Variants in KLHL22 observed in about 807,000 individuals in gnomAD.
The protein encoded by KLHL22 is kelch-like protein 22.
KLHL22 carries 18 observed loss-of-function variants against 60.7 expected under a neutral mutation model. The observed-to-expected ratio is 0.30, with a 90% confidence interval of 0.20 to 0.44. The LOEUF is 0.44. KLHL22 is among the 20% of genes least tolerant of loss of function. KLHL22 has a pLI of 1.00. For missense variants in KLHL22, 596 were observed against 852.3 expected (o/e 0.70, Z 3.74); for synonymous variants, 355 against 354.5 (o/e 1.00, Z -0.01).
intron 2 of KLHL22, 108 bp from the exon 3 acceptor site, chr22:20,471,623 C>T: frequency 8.2e-7 from 1 of 1,214,110 alleles, no homozygotes. Flanking sequence ...TGGCAGGGCC[C>T]TGGTAGTGGG....
chr22:20,489,432 T>C (rs1475765932), intron 1 of KLHL22, among the ~76,000 whole-genome samples, 188 bp from the exon 2 acceptor site: 2 of 152,210 alleles, frequency 1.3e-5, no homozygotes, highest in African/African-American at 4.8e-5. Flanking sequence ...GATGGCCTTC[T>C]TCCTGATGAC....
chr22:20,442,545 A>G, intron 6 of KLHL22, 107 bp from the exon 7 acceptor site: 1 of 1,354,852 alleles, frequency 7.4e-7, no homozygotes. Context: ...CCATTCTGAC[A>G]GGTCAGGCCC....
chr22:20,478,508 C>CTTTTTTTTT (rs1196419660), intron 2 of KLHL22, among the ~76,000 whole-genome samples: 3 of 67,676 alleles, frequency 4.4e-5, no homozygotes, highest in African/African-American at 1.0e-4. Context: ...AAACTTAATT[C>CTTTTTTTTT]TTTTTTTTTT....
At chr22:20,457,018 G>A (rs1414620389) in intron 5 of KLHL22, among the ~76,000 whole-genome samples, 1 of 142,710 alleles carries the variant, frequency 7.0e-6, no homozygotes, top group Non-Finnish European at 1.5e-5. Flanking sequence ...GTACTAGCGG[G>A]GTGCCCTGCT....
At chr22:20,486,960 AGTGAGCCACCAAGCCTG>A (rs1345129807) in intron 2 of KLHL22, among the ~76,000 whole-genome samples, 3 of 149,458 alleles carry the variant, frequency 2.0e-5, no homozygotes, top group African/African-American at 5.0e-5. Flanking sequence ...GAATTATAGG[AGTGAGCCACCAAGCCTG>A]GCCTCTTTCT....
chr22:20,493,410 T>C (rs931461033), intron 1 of KLHL22, among the ~76,000 whole-genome samples: 3 of 152,232 alleles, frequency 2.0e-5, no homozygotes, highest in Non-Finnish European at 4.4e-5. Context: ...TATACGGTTT[T>C]AAATCACCAA....
intron 5 of KLHL22, among the ~76,000 whole-genome samples, chr22:20,449,908 C>T (rs1046179062): frequency 4.6e-5 from 7 of 152,228 alleles, no homozygotes; most frequent in East Asian, 1.9e-4. Context: ...CTGGTCATCA[C>T]GTCGCGTGGC....
chr22:20,458,625 T>G (rs1601339549), intron 4 of KLHL22, among the ~76,000 whole-genome samples: 1 of 151,664 alleles, frequency 6.6e-6, no homozygotes, highest in Admixed American at 6.6e-5. Flanking sequence ...ATACAGCCTC[T>G]CCACTGGATG....
intron 4 of KLHL22, among the ~76,000 whole-genome samples, chr22:20,461,282 G>A (rs1215494031): frequency 3.3e-5 from 5 of 152,080 alleles, no homozygotes; most frequent in African/African-American, 9.7e-5. Flanking sequence ...GGCCAGGCAC[G>A]GTGGCTCACG....
chr22:20,465,112 C>T lies in KLHL22; in HGVS notation c.858G>A (p.Leu286=), dbSNP rs775335953. 7.4e-6 allele frequency: 12 copies of T among 1,613,928 alleles called. No homozygotes were observed. In the South Asian group the frequency reaches 1.2e-4, roughly 16 times the overall value. ...ACCGCAGCTCCGTTTGCGGGCTCTG[C>T]AGGCTGGGCTGTAGGCTCTCGTTCC... is the stretch of plus-strand genomic sequence containing the variant. ...YHRNESLQPS[L]QSPQTELRSD... Residue 286 remains leucine, a synonymous_variant, in exon 4 of 7, where the codon CTG becomes CTA. Coordinates refer to ENST00000328879, the MANE Select transcript of KLHL22 (RefSeq NM_032775.4). This position sits in a 1 kb window ranked among gnomAD's most constrained non-coding sequence, Gnocchi z 4.9.
chr22:20,483,039 G>A, intron 2 of KLHL22: 1 of 669,730 alleles, frequency 1.5e-6, no homozygotes, highest in Non-Finnish European at 2.7e-6. Context: ...GCCTGGCACT[G>A]TCCCTCTGCC....
At chr22:20,481,154 G>A (rs1012833813) in intron 2 of KLHL22, 1 of 152,082 alleles carries the variant, frequency 6.6e-6, no homozygotes, top group Admixed American at 6.5e-5. Flanking sequence ...TCTTTAAGAC[G>A]TTTGGCTGGG....
chr22:20,463,174 G>A (rs190980555), intron 4 of KLHL22, among the ~76,000 whole-genome samples: 1 of 152,280 alleles, frequency 6.6e-6, no homozygotes, highest in Admixed American at 6.5e-5. Flanking sequence ...GGTCCTTCCT[G>A]CCACCTCCAC....
At position 20,465,138 on chromosome 22, in the gene KLHL22, G is replaced by A. The variant is rs1224148145; in HGVS notation, c.832C>T (p.Arg278Trp). Residue 278 changes from arginine to tryptophan, a missense_variant, in exon 4 of 7, where the codon CGG (arginine) becomes TGG (tryptophan). Physicochemically the swap from Arg to Trp is moderately radical, Grantham distance 101. Coordinates refer to ENST00000328879, the MANE Select transcript of KLHL22 (RefSeq NM_032775.4). This position sits in a 1 kb window ranked among gnomAD's most constrained non-coding sequence, Gnocchi z 4.9. ...AGGCTGGGCTGTAGGCTCTCGTTCC[G>A]GTGGTACATGAGGGCGCTGGCCACT... ...DTVASALMYH[R>W]NESLQPSLQS... is the part of the protein sequence containing the mutation. The A allele has an allele frequency of 4.3e-6, 7 of 1,613,916 alleles. No homozygotes were observed. Among genetic ancestry groups the A allele is most frequent in the East Asian group, 2.2e-5 (1 of 44,880 alleles).
chr22:20,488,927 C>A, intron 2 of KLHL22, 58 bp downstream of exon 2: 3 of 1,532,820 alleles, frequency 2.0e-6, no homozygotes, highest in Non-Finnish European at 2.7e-6. Flanking sequence ...AGTACCTTTA[C>A]TAGCAGAGCC....
At chr22:20,461,608 G>C (rs189418226) in intron 4 of KLHL22, among the ~76,000 whole-genome samples, 14 of 147,148 alleles carry the variant, frequency 9.5e-5, no homozygotes, top group African/African-American at 3.5e-4. Flanking sequence ...ATATTTCCAT[G>C]ACTTAAGTAT....
In KLHL22 at chr22:20,471,368, C is replaced by G. The variant is rs2053324475; in HGVS notation, c.375G>C (p.Val125=). The G allele has an allele frequency of 6.2e-7, 1 of 1,613,674 alleles. No individual in the cohort carries two copies. Among genetic ancestry groups the G allele is most frequent in the African/African-American group, 1.3e-5 (1 of 75,024 alleles). Reference sequence around the variant, plus strand: ...GCCTCACCTGAAGCTGGCAGGCAGCCACCAGTGTCTCTTGTACATTGCTCA... The same window carrying G: ...GCCTCACCTGAAGCTGGCAGGCAGCGACCAGTGTCTCTTGTACATTGCTCA... ...LSLSNVQETL[V]AACQLQIPEI... is the part of the protein sequence containing the mutation. Residue 125 remains valine, a synonymous_variant, in exon 3 of 7, where the codon GTG becomes GTC. Coordinates refer to ENST00000328879, the MANE Select transcript of KLHL22 (RefSeq NM_032775.4).
chr22:20,453,127 C>T (rs1569125087), intron 5 of KLHL22, among the ~76,000 whole-genome samples: 1 of 152,054 alleles, frequency 6.6e-6, no homozygotes, highest in African/African-American at 2.4e-5. Flanking sequence ...ACCTAAACAA[C>T]CTTTGCTCTG....
At chr22:20,447,323 GC>G (rs1177816253) in intron 5 of KLHL22, among the ~76,000 whole-genome samples, 1 of 152,184 alleles carries the variant, frequency 6.6e-6, no homozygotes, top group Non-Finnish European at 1.5e-5. Flanking sequence ...CCAACAGAAG[GC>G]CCCAAGGCAA....
Sources: allele counts gnomAD v4.1 joint callset (sites outside exome capture counted in the v4.1 genomes callset), GRCh38; gene constraint gnomAD v4.1.1; non-coding constraint Gnocchi (gnomAD v3.1); transcripts MANE v1.5; gene names NCBI Gene and HGNC (gene_info 2026-07-23, HGNC 2026-07-21).